Variants in NRXN3 observed in about 807,000 individuals in gnomAD.
The protein encoded by NRXN3 is neurexin III.
In NRXN3, 32 loss-of-function variants were observed where a neutral mutation model predicts 137.6. The observed-to-expected ratio is 0.23, with a 90% CI of 0.18 to 0.31. The LOEUF (loss-of-function observed/expected upper bound fraction) is 0.31, where lower values mean the gene tolerates loss of function less well. Among genes scored for constraint, NRXN3 ranks in the 10% least tolerant of loss-of-function variants. NRXN3 has a pLI of 1.00. For missense variants in NRXN3, 1,574 were observed against 2,062.5 expected (o/e 0.76, Z 4.59); for synonymous variants, 798 against 784.5 (o/e 1.02, Z -0.29).
At chr14:79,032,602 C>T (rs1470522828) in intron 15 of NRXN3, among the ~76,000 whole-genome samples, 1 of 152,202 alleles carries the variant, frequency 6.6e-6, no homozygotes, top group East Asian at 1.9e-4. Flanking sequence ...TATCCACTCA[C>T]TAGGGCTAAG....
intron 4 of NRXN3, among the ~76,000 whole-genome samples, chr14:78,580,284 G>C (rs941477536): frequency 6.6e-6 from 1 of 152,044 alleles, no homozygotes; most frequent in Non-Finnish European, 1.5e-5. Context: ...ACTGCACTTA[G>C]TGGCCTGGAT....
At chr14:78,316,449 G>A (rs2153553233) in intron 4 of NRXN3, among the ~76,000 whole-genome samples, 1 of 152,320 alleles carries the variant, frequency 6.6e-6, no homozygotes, top group African/African-American at 2.4e-5. Flanking sequence ...GGAGATGCAG[G>A]AAGGGAGGGG....
chr14:78,782,643 G>T (rs1040055167), intron 8 of NRXN3, among the ~76,000 whole-genome samples: 1 of 152,166 alleles, frequency 6.6e-6, no homozygotes, highest in Non-Finnish European at 1.5e-5. Context: ...CTCATTTGTT[G>T]TATCCCCAGT....
At chr14:79,222,764 TC>T (rs2070031836) in intron 15 of NRXN3, among the ~76,000 whole-genome samples, 2 of 152,110 alleles carry the variant, frequency 1.3e-5, no homozygotes, top group African/African-American at 2.4e-5. Flanking sequence ...AATTTGCATT[TC>T]CCCAGTGACA....
chr14:78,641,332 G>T (rs931618856), intron 4 of NRXN3, among the ~76,000 whole-genome samples: 1 of 152,108 alleles, frequency 6.6e-6, no homozygotes, highest in Non-Finnish European at 1.5e-5. Flanking sequence ...ATTTCTTCAA[G>T]GTCCTCATTT....
chr14:79,378,893 C>G (rs1006465805), intron 15 of NRXN3, among the ~76,000 whole-genome samples: 2 of 151,020 alleles, frequency 1.3e-5, no homozygotes, highest in Admixed American at 6.6e-5. Context: ...AAAAAAAAAC[C>G]CTGAAGAGCT....
intron 15 of NRXN3, among the ~76,000 whole-genome samples, chr14:79,073,602 C>A (rs1474114007): frequency 1.3e-5 from 2 of 152,156 alleles, no homozygotes; most frequent in African/African-American, 4.8e-5. Context: ...AAGCTCTTTG[C>A]AATACAGTGT....
At chr14:78,550,555 A>T (rs1195255558) in intron 4 of NRXN3, among the ~76,000 whole-genome samples, 3 of 151,956 alleles carry the variant, frequency 2.0e-5, no homozygotes, top group Non-Finnish European at 4.4e-5. Context: ...AAAAAAATTC[A>T]TGCCAGAATT....
chr14:79,631,511 G>C (rs1453603559), intron 16 of NRXN3, among the ~76,000 whole-genome samples: 2 of 152,344 alleles, frequency 1.3e-5, no homozygotes, highest in African/African-American at 2.4e-5. Flanking sequence ...GCAAGGGTTC[G>C]GGCTCCGTGG....
chr14:79,110,328 C>T (rs954814428), intron 15 of NRXN3, among the ~76,000 whole-genome samples: 3 of 152,184 alleles, frequency 2.0e-5, no homozygotes, highest in Admixed American at 1.3e-4. Flanking sequence ...TGGTGTGGGC[C>T]AACCTTCAAA....
At chr14:79,494,977 T>A (rs147497137) in intron 16 of NRXN3, among the ~76,000 whole-genome samples, 1 of 152,368 alleles carries the variant, frequency 6.6e-6, no homozygotes, top group Non-Finnish European at 1.5e-5. Context: ...TCTAAACGTA[T>A]ATTTGTCAGA....
chr14:78,597,191 A>C (rs1324997293), intron 4 of NRXN3, among the ~76,000 whole-genome samples: 1 of 152,238 alleles, frequency 6.6e-6, no homozygotes, highest in Non-Finnish European at 1.5e-5. Context: ...GAATAAATGC[A>C]GGATCAGCTG....
At position 78,986,916 on chromosome 14, in the gene NRXN3, G is replaced by A. The variant is rs145887728; in HGVS notation, c.3143-1106G>A. 2.9e-3 allele frequency among the ~76,000 whole-genome samples: 432 copies of A among 150,786 alleles called. 3 individuals carry two copies. The highest frequency in any genetic ancestry group is 6.4e-3 in the Admixed American group (95 of 14,926). ...CGTGTGCCTGTAATCCCAACTACTC[G>A]GGAGGCTGAGGCAGGAGAATTGCTT... On this transcript the variant is annotated intron_variant, in intron 14 of 20. Transcript: ENST00000335750.
intron 14 of NRXN3, among the ~76,000 whole-genome samples, chr14:78,984,592 G>A (rs1349893347): frequency 6.6e-6 from 1 of 152,160 alleles, no homozygotes; most frequent in Non-Finnish European, 1.5e-5. Context: ...TCGAAGATAG[G>A]GGTGGGCATG....
At chr14:79,373,496 T>G (rs2094172526) in intron 15 of NRXN3, among the ~76,000 whole-genome samples, 1 of 152,222 alleles carries the variant, frequency 6.6e-6, no homozygotes, top group South Asian at 2.1e-4. Flanking sequence ...GATTTAGTTT[T>G]TTGCATTACT....
chr14:78,178,093 G>T (rs1198288724), intron 1 of NRXN3, among the ~76,000 whole-genome samples: 2 of 152,226 alleles, frequency 1.3e-5, no homozygotes, highest in African/African-American at 4.8e-5. Context: ...GCCTAAGGAG[G>T]TTAAGTAACA....
At chr14:78,227,028 G>C (rs2064764393) in intron 1 of NRXN3, among the ~76,000 whole-genome samples, 1 of 152,198 alleles carries the variant, frequency 6.6e-6, no homozygotes, top group Non-Finnish European at 1.5e-5. Flanking sequence ...CTGATGGGAA[G>C]GTAGCACTTC....
chr14:79,192,751 G>GT, intron 15 of NRXN3, among the ~76,000 whole-genome samples: 1 of 146,240 alleles, frequency 6.8e-6, no homozygotes, highest in Admixed American at 7.0e-5. Flanking sequence ...AAAAAGACAT[G>GT]TACAATTCTC....
At chr14:79,623,691 T>C (rs1452453515) in intron 16 of NRXN3, among the ~76,000 whole-genome samples, 1 of 152,236 alleles carries the variant, frequency 6.6e-6, no homozygotes, top group African/African-American at 2.4e-5. Flanking sequence ...TCATTCAGGA[T>C]ATTTAATTCT....
Sources: gnomAD v4.1 joint callset for allele counts (sites outside exome capture counted in the v4.1 genomes callset) on GRCh38, gnomAD v4.1.1 for gene constraint, MANE v1.5 for transcripts, NCBI Gene and HGNC (gene_info 2026-07-23, HGNC 2026-07-21) for gene names.